Variants in SERGEF observed in about 807,000 individuals in gnomAD.
SERGEF encodes secretion regulating guanine nucleotide exchange factor.
In SERGEF, 51 loss-of-function variants were observed where a neutral mutation model predicts 50.0. The observed-to-expected ratio is 1.02, with a 90% CI of 0.81 to 1.29. The LOEUF is 1.29. SERGEF is among the 50% of genes most tolerant of loss of function. SERGEF has a pLI of 0.00. For synonymous variants in SERGEF, 205 were observed against 212.4 expected, an observed-to-expected ratio of 0.97 and a Z score of 0.30; for missense variants, 521 against 557.0, an observed-to-expected ratio of 0.94 and a Z score of 0.65.
intron 10 of SERGEF, among the ~76,000 whole-genome samples, chr11:17,857,641 A>G (rs1850845869): frequency 1.3e-5 from 2 of 152,238 alleles, no homozygotes; most frequent in African/African-American, 4.8e-5. Flanking sequence ...AATAAAATGA[A>G]CAGACTCACA....
intron 10 of SERGEF, among the ~76,000 whole-genome samples, chr11:17,847,495 C>G (rs1345796375): frequency 6.6e-6 from 1 of 152,206 alleles, no homozygotes; most frequent in Non-Finnish European, 1.5e-5. Flanking sequence ...GTTTTCTCAT[C>G]TGTAAAATGG....
At chr11:17,893,904 A>G (rs1262278470) in intron 9 of SERGEF, among the ~76,000 whole-genome samples, 1 of 152,202 alleles carries the variant, frequency 6.6e-6, no homozygotes, top group African/African-American at 2.4e-5. Flanking sequence ...CATGACACTG[A>G]GGGTGTCAGA....
intron 10 of SERGEF, among the ~76,000 whole-genome samples, chr11:17,839,461 C>T (rs1406148250): frequency 6.6e-6 from 1 of 152,160 alleles, no homozygotes; most frequent in Non-Finnish European, 1.5e-5. Flanking sequence ...AAGAAACATG[C>T]CACTCTCAGC....
At chr11:17,956,736 A>G (rs1852880951) in intron 9 of SERGEF, among the ~76,000 whole-genome samples, 1 of 152,064 alleles carries the variant, frequency 6.6e-6, no homozygotes, top group Admixed American at 6.5e-5. Context: ...GGCAACTAAG[A>G]AGAATTAAAG....
chr11:17,840,111 G>C (rs1233623304), intron 10 of SERGEF, among the ~76,000 whole-genome samples: 3 of 152,222 alleles, frequency 2.0e-5, no homozygotes, highest in South Asian at 4.1e-4. Flanking sequence ...TGCCCTGACA[G>C]GGGCTCACCA....
chr11:17,843,632 T>G, intron 10 of SERGEF, among the ~76,000 whole-genome samples: 1 of 152,172 alleles, frequency 6.6e-6, no homozygotes, highest in South Asian at 2.1e-4. Flanking sequence ...ATTACTTGGA[T>G]GTGTATAGGT....
At chr11:17,938,863 T>G (rs1452419842) in intron 9 of SERGEF, among the ~76,000 whole-genome samples, 1 of 152,162 alleles carries the variant, frequency 6.6e-6, no homozygotes, top group Non-Finnish European at 1.5e-5. Flanking sequence ...GAGGTAGAGA[T>G]ACTTCATGGG....
chr11:17,947,642 C>T (rs1013624146), intron 9 of SERGEF, among the ~76,000 whole-genome samples: 12 of 152,202 alleles, frequency 7.9e-5, no homozygotes, highest in Non-Finnish European at 8.8e-5. Flanking sequence ...CCACAGTCAC[C>T]TCTTTGCCCT....
At chr11:17,985,520 G>A (rs1035891252) in intron 8 of SERGEF, among the ~76,000 whole-genome samples, 4 of 152,206 alleles carry the variant, frequency 2.6e-5, no homozygotes, top group Non-Finnish European at 4.4e-5. Flanking sequence ...TCACCCAGGA[G>A]TCCCATGAAG....
At chr11:18,006,241 C>G (rs938649200) in intron 3 of SERGEF, among the ~76,000 whole-genome samples, 1 of 152,194 alleles carries the variant, frequency 6.6e-6, no homozygotes, top group Non-Finnish European at 1.5e-5. Flanking sequence ...TCACTGCAAC[C>G]TCCACCTCCC....
intron 4 of SERGEF, among the ~76,000 whole-genome samples, chr11:18,001,500 C>T (rs1225831908): frequency 1.3e-5 from 2 of 152,196 alleles, no homozygotes; most frequent in African/African-American, 2.4e-5. Context: ...GAACATGAAA[C>T]CATTAGGGCT....
At position 17,814,853 on chromosome 11, in the gene SERGEF, T is replaced by G. The variant is rs1005711; in HGVS notation, c.1049-26440A>C. 0.012 allele frequency among the ~76,000 whole-genome samples: 1,793 copies of G among 152,252 alleles called. 92 individuals carry two copies. The East Asian group carries it at 0.15, about 13-fold the overall frequency. ...AGGGAACTAGGAGTATGAACAATTTTGCTCATTCAAGCAGGATGACCTGCT... is the reference window on the plus strand; with the variant it reads ...AGGGAACTAGGAGTATGAACAATTTGGCTCATTCAAGCAGGATGACCTGCT... On this transcript the variant is annotated intron_variant, in intron 10 of 10. Transcript: ENST00000265965.
intron 10 of SERGEF, among the ~76,000 whole-genome samples, chr11:17,844,934 A>AC (rs397940441): frequency 6.6e-6 from 1 of 151,600 alleles, no homozygotes; most frequent in Non-Finnish European, 1.5e-5. Flanking sequence ...AACAAAAAAA[A>AC]CAGAACAAAA....
Position 17,820,006 on chromosome 11 carries a change from T to TA in SERGEF, c.1049-31594dup, listed in dbSNP as rs368451455. ...GTGCACACCACCACACTTGGCTAAT[T>TA]AAAAAAAAATTTTTTTTTGTAGAGG... On this transcript the variant is annotated intron_variant, in intron 10 of 10. Transcript: ENST00000265965. 6.7e-4 allele frequency among the ~76,000 whole-genome samples: 101 copies of TA among 150,596 alleles called. No homozygotes were observed. In the South Asian group the frequency reaches 0.019, roughly 29 times the overall value.
chr11:17,909,400 T>C (rs1851908493), intron 9 of SERGEF, among the ~76,000 whole-genome samples: 1 of 152,176 alleles, frequency 6.6e-6, no homozygotes, highest in Non-Finnish European at 1.5e-5. Context: ...AGAACACATG[T>C]TGATAAAGGA....
At chr11:17,966,447 C>T (rs976314481) in intron 8 of SERGEF, among the ~76,000 whole-genome samples, 1 of 152,094 alleles carries the variant, frequency 6.6e-6, no homozygotes. Flanking sequence ...AATGAGAGAA[C>T]CGCAACAGAT....
intron 10 of SERGEF, among the ~76,000 whole-genome samples, chr11:17,861,438 G>A (rs1378283907): frequency 6.6e-6 from 1 of 152,206 alleles, no homozygotes; most frequent in Non-Finnish European, 1.5e-5. Context: ...ACAACTCCAA[G>A]GCCTCATGCC....
At chr11:17,852,594 GTGA>G (rs2133873631) in intron 10 of SERGEF, among the ~76,000 whole-genome samples, 1 of 152,270 alleles carries the variant, frequency 6.6e-6, no homozygotes, top group African/African-American at 2.4e-5. Flanking sequence ...AGACTTTTAA[GTGA>G]TAAAAATGTC....
intron 9 of SERGEF, among the ~76,000 whole-genome samples, chr11:17,893,380 G>C (rs1307008688): frequency 6.6e-6 from 1 of 152,164 alleles, no homozygotes; most frequent in East Asian, 1.9e-4. Context: ...CCACCAGATA[G>C]TGAAGATTAA....
Sources: gnomAD v4.1 joint callset for allele counts (sites outside exome capture counted in the v4.1 genomes callset) on GRCh38, gnomAD v4.1.1 for gene constraint, MANE v1.5 for transcripts, NCBI Gene and HGNC (gene_info 2026-07-23, HGNC 2026-07-21) for gene names.